PKD1L1: variants seen among roughly 807,000 people sequenced by gnomAD.
PKD1L1 encodes polycystin 1 like 1, transient receptor potential channel interacting.
PKD1L1 carries 236 observed loss-of-function variants against 323.4 expected under a neutral mutation model. That is an observed-to-expected ratio of 0.73 (90% confidence interval 0.66 to 0.81). The LOEUF (loss-of-function observed/expected upper bound fraction) is 0.81, where lower values mean the gene tolerates loss of function less well. Among genes scored for constraint, PKD1L1 ranks in the 40% least tolerant of loss-of-function variants. The pLI is 0.00. For missense variants in PKD1L1, 3,320 were observed against 3,508.0 expected (o/e 0.95, Z 1.35); for synonymous variants, 1,344 against 1,335.0 (o/e 1.01, Z -0.15).
intron 28 of PKD1L1, among the ~76,000 whole-genome samples, chr7:47,857,108 C>T (rs1378313692): frequency 1.3e-5 from 2 of 152,218 alleles, no homozygotes; most frequent in African/African-American, 2.4e-5. Flanking sequence ...CCAGGGGCCA[C>T]CCTGCAGGTT....
chr7:47,904,405 C>T lies in PKD1L1; in HGVS notation c.1904G>A (p.Ser635Asn). 1 of 1,614,122 alleles carries T rather than the reference C, an allele frequency of 6.2e-7. No homozygotes were observed. The highest frequency in any genetic ancestry group is 8.5e-7 in the Non-Finnish European group (1 of 1,180,022). Residue 635 changes from serine to asparagine, a missense_variant, in exon 12 of 57, where the codon AGC becomes AAC. Ser to Asn is a conservative substitution (Grantham distance 46, BLOSUM62 1). Transcript: ENST00000289672. ...DFGDGTVSLG[S>N]SSSSHVYSRE... ...ACTGTAGACATGGCTGCTGGAGCTG[C>T]TCCCCAGGCTGACGGTGCCATCCCC... is the stretch of plus-strand genomic sequence containing the variant.
Position 47,809,537 on chromosome 7 carries a change from T to G in PKD1L1, c.7622A>C (p.Gln2541Pro). ...GCCCTTGTCCATCATACGGTAGAGT[T>G]GAACACAGAGGTGGATCAGGCTGAG... ...LALSLIHLCV[Q>P]LYRMMDKGVL... Residue 2541 changes from glutamine (Q) to proline (P), a missense_variant, in exon 51 of 57, where the codon CAA (glutamine) becomes CCA (proline). By Grantham distance (76) the Gln-to-Pro change is moderately conservative. Coordinates refer to ENST00000289672, the MANE Select transcript of PKD1L1 (RefSeq NM_138295.5). 6.2e-7 allele frequency: 1 copy of G among 1,609,230 alleles called. No homozygotes were observed. The highest frequency in any genetic ancestry group is 8.5e-7 in the Non-Finnish European group (1 of 1,178,090).
At chr7:47,917,616 A>G (rs1304123970) in intron 7 of PKD1L1, among the ~76,000 whole-genome samples, 2 of 152,250 alleles carry the variant, frequency 1.3e-5, no homozygotes, top group African/African-American at 4.8e-5. Context: ...AAAACGTATC[A>G]GATTAGCAGC....
intron 8 of PKD1L1, among the ~76,000 whole-genome samples, chr7:47,914,602 C>A (rs1334016611): frequency 1.3e-5 from 2 of 152,220 alleles, no homozygotes; most frequent in African/African-American, 4.8e-5. Context: ...TTTTCCTACT[C>A]AGGACAGAGG....
At chr7:47,903,122 G>A (rs1202595222) in intron 12 of PKD1L1, among the ~76,000 whole-genome samples, 2 of 152,210 alleles carry the variant, frequency 1.3e-5, no homozygotes, top group African/African-American at 4.8e-5. Flanking sequence ...CTTTACTAAG[G>A]AAATAAGTGG....
chr7:47,899,782 C>T (rs1247194416), intron 13 of PKD1L1, among the ~76,000 whole-genome samples: 1 of 152,040 alleles, frequency 6.6e-6, no homozygotes, highest in East Asian at 1.9e-4. Context: ...CGGTGAAACC[C>T]TGTTTTTACT....
At chr7:47,883,894 C>T (rs1786620470) in intron 19 of PKD1L1, among the ~76,000 whole-genome samples, 1 of 152,222 alleles carries the variant, frequency 6.6e-6, no homozygotes, top group Admixed American at 6.5e-5. Context: ...CTTCACTAGA[C>T]AGATAAATCA....
chr7:47,952,201 G>T (rs937549384), upstream of PKD1L1, among the ~76,000 whole-genome samples: 1 of 152,194 alleles, frequency 6.6e-6, no homozygotes, highest in Non-Finnish European at 1.5e-5. Context: ...GTGGTGAAAA[G>T]AAAGAAAAAT....
chr7:47,902,328 G>A (rs1384691431), intron 13 of PKD1L1, 51 bp downstream of exon 13: 1 of 1,602,142 alleles, frequency 6.2e-7, no homozygotes, highest in Non-Finnish European at 8.5e-7. Flanking sequence ...TCCCAACTCA[G>A]AGGGAGGCTG....
At chr7:47,804,189 C>T (rs1266356413) in intron 52 of PKD1L1, among the ~76,000 whole-genome samples, 1 of 152,236 alleles carries the variant, frequency 6.6e-6, no homozygotes. Flanking sequence ...CCTAGAGAAG[C>T]TGTGAGTGGC....
Position 47,879,789 on chromosome 7 carries a change from T to C in PKD1L1, c.3520+939A>G, listed in dbSNP as rs1330500254. 1.2e-3 allele frequency among the ~76,000 whole-genome samples: 169 copies of C among 137,922 alleles called. No homozygotes were observed. In the Middle Eastern group the frequency reaches 0.014, roughly 12 times the overall value. 90.5% of individuals were successfully genotyped at this position (137,922 alleles called of 152,430 possible). On this transcript the variant is annotated intron_variant, in intron 21 of 56. Coordinates refer to ENST00000289672, the MANE Select transcript of PKD1L1 (RefSeq NM_138295.5). ...TCTACTAAAAATACAAAAAATTAGC[T>C]GGGCGTGGTGGCAGGCAGCTGTAGT... is the stretch of plus-strand genomic sequence containing the variant.
chr7:47,843,117 A>G lies in PKD1L1; in HGVS notation c.5290T>C (p.Tyr1764His), dbSNP rs757307771. 1.9e-6 allele frequency: 3 copies of G among 1,613,808 alleles called. No homozygotes were observed. Residue 1764 changes from tyrosine to histidine, a missense_variant, in exon 34 of 57, where the codon TAT (tyrosine) becomes CAT (histidine). By Grantham distance (83) the Tyr-to-His change is moderately conservative. Transcript: ENST00000289672. The stretch of plus-strand genomic sequence containing the variant: ...CTACTTTTAGCGACCAAAAATCCAT[A>G]AAGAATCACAGAACCCATAATAAAA... Reference protein sequence around the residue: ...SIFIMGSVILYGFLVAKSRQV... With the variant: ...SIFIMGSVILHGFLVAKSRQV...
chr7:47,857,666 T>C lies in PKD1L1; in HGVS notation c.4529A>G (p.Tyr1510Cys), dbSNP rs1785933559. Residue 1510 changes from tyrosine to cysteine, a missense_variant, in exon 28 of 57, where the codon TAC becomes TGC. Physicochemically the swap from Tyr to Cys is radical, Grantham distance 194. Coordinates refer to ENST00000289672, the MANE Select transcript of PKD1L1 (RefSeq NM_138295.5). ...CTTGAAGAGTATGAGCTGGCTAATG[T>C]AGCATGGGCTCTGTGTCTCCGCCCC... ...PAGAETQSPC[Y>C]ISQLILFKKN... The C allele has an allele frequency of 6.2e-7, 1 of 1,614,084 alleles. No homozygotes were observed. Among genetic ancestry groups the C allele is most frequent in the Non-Finnish European group, 8.5e-7 (1 of 1,180,050 alleles).
chr7:47,955,575 A>G, the PKD1L1 span, among the ~76,000 whole-genome samples: 1 of 152,230 alleles, frequency 6.6e-6, no homozygotes, highest in East Asian at 1.9e-4. Flanking sequence ...CCATATCAGT[A>G]CACTTTTTTC....
At chr7:47,955,891 T>C in the PKD1L1 span, among the ~76,000 whole-genome samples, 5 of 152,214 alleles carry the variant, frequency 3.3e-5, no homozygotes, top group Admixed American at 2.0e-4. Flanking sequence ...TAACATACCA[T>C]TTTTACCTCT....
intron 22 of PKD1L1, 110 bp downstream of exon 22, chr7:47,877,379 C>T: frequency 3.5e-6 from 5 of 1,447,290 alleles, no homozygotes; most frequent in Non-Finnish European, 4.7e-6. Context: ...TGAAATCCTT[C>T]ACAGGTGGGA....
At chr7:47,776,279 C>T (rs1019259640) in intron 56 of PKD1L1, among the ~76,000 whole-genome samples, 2 of 152,124 alleles carry the variant, frequency 1.3e-5, no homozygotes, top group Non-Finnish European at 2.9e-5. Context: ...CAAACCCATC[C>T]GGAAAACTGA....
rs1308259314 is a variant in PKD1L1 at position 47,847,212 on chromosome 7, T to A, written c.4961-141A>T. 1.9e-5 allele frequency: 11 copies of A among 588,820 alleles called. No individual in the cohort carries two copies. The East Asian group carries it at 3.3e-4, about 18-fold the overall frequency. 36.5% of individuals were successfully genotyped at this position (588,820 alleles called of 1,614,324 possible). On this transcript the variant is annotated intron_variant, in intron 31 of 56. Transcript: ENST00000289672. ...AGAACTGAAAGACAGCATCAAATTC[T>A]AGCCATTTCCTGTCCCCGAAGCATT...
At chr7:47,948,567 C>T (rs1210642690), upstream of PKD1L1, 4 of 832,594 alleles carry the variant, frequency 4.8e-6, no homozygotes, top group Non-Finnish European at 5.8e-6. Flanking sequence ...TCAGGACACA[C>T]ATCAAACACA....
Sources: allele counts gnomAD v4.1 joint callset (sites outside exome capture counted in the v4.1 genomes callset), GRCh38; gene constraint gnomAD v4.1.1; transcripts MANE v1.5; gene names NCBI Gene and HGNC (gene_info 2026-07-23, HGNC 2026-07-21).